The following FAM120A variants were observed in gnomAD, a reference collection of about 807,000 sequenced individuals.
FAM120A encodes the protein family with sequence similarity 120 member A, also known as constitutive coactivator of PPAR-gamma-like protein 1.
Under a neutral mutation model 109.7 loss-of-function variants are expected in FAM120A, and 15 were observed. The observed-to-expected ratio is 0.14, with a 90% CI of 0.09 to 0.21. The LOEUF (loss-of-function observed/expected upper bound fraction) is 0.21. Among genes scored for constraint, FAM120A ranks in the 10% least tolerant of loss-of-function variants. FAM120A has a pLI of 1.00. For missense variants in FAM120A, 899 were observed against 1,439.3 expected (o/e 0.62, Z 6.07); for synonymous variants, 493 against 572.8 (o/e 0.86, Z 1.99).
At chr9:93,530,421 C>G (rs1326086077) in intron 9 of FAM120A, 1 of 152,134 alleles carries the variant, frequency 6.6e-6, no homozygotes, top group Non-Finnish European at 1.5e-5. Flanking sequence ...TCTGTCTATT[C>G]TCTACAACCC....
chr9:93,535,431 A>G (rs1373227646), intron 10 of FAM120A, among the ~76,000 whole-genome samples: 2 of 152,338 alleles, frequency 1.3e-5, no homozygotes, highest in Middle Eastern at 3.4e-3. Context: ...GCAGGTGCAG[A>G]TGACCTTTGC....
At chr9:93,524,321 T>G (rs1405298739) in intron 7 of FAM120A, among the ~76,000 whole-genome samples, 1 of 152,194 alleles carries the variant, frequency 6.6e-6, no homozygotes, top group African/African-American at 2.4e-5. Context: ...GTCAGGAACA[T>G]GAGTGACACG....
At chr9:93,554,140 C>T (rs1862204258) in intron 12 of FAM120A, among the ~76,000 whole-genome samples, 1 of 142,862 alleles carries the variant, frequency 7.0e-6, no homozygotes, top group Non-Finnish European at 1.5e-5. Context: ...CACACACACA[C>T]ACACACACAC....
chr9:93,526,658 C>T (rs147467974), intron 7 of FAM120A, among the ~76,000 whole-genome samples: 38 of 152,338 alleles, frequency 2.5e-4, no homozygotes, highest in African/African-American at 8.9e-4. Context: ...GTTCGAGTCA[C>T]CTCCAGTGTT....
intron 3 of FAM120A, among the ~76,000 whole-genome samples, chr9:93,487,452 G>A (rs902804586): frequency 2.0e-5 from 3 of 152,284 alleles, no homozygotes; most frequent in Non-Finnish European, 2.9e-5. Context: ...ATGAGCCACC[G>A]CACCTGGCCT....
At chr9:93,479,090 ATTTTTT>A (rs11296612) in intron 3 of FAM120A, among the ~76,000 whole-genome samples, 1 of 81,636 alleles carries the variant, frequency 1.2e-5, no homozygotes, top group Non-Finnish European at 2.3e-5. Flanking sequence ...AGGGTATTGC[ATTTTTT>A]TTTTTTTTTT....
At chr9:93,543,166 C>G in intron 10 of FAM120A, 56 bp from the exon 11 acceptor site, 1 of 1,579,840 alleles carries the variant, frequency 6.3e-7, no homozygotes, top group Admixed American at 1.7e-5. Context: ...TTTGTTAAGA[C>G]TGAAAGCAGG....
chr9:93,458,689 G>A (rs1332507294), intron 1 of FAM120A, among the ~76,000 whole-genome samples: 1 of 152,114 alleles, frequency 6.6e-6, no homozygotes, highest in Non-Finnish European at 1.5e-5. Context: ...AGAATGCAAG[G>A]CATATACTAT....
intron 2 of FAM120A, among the ~76,000 whole-genome samples, chr9:93,474,589 CTTTT>C (rs1047449286): frequency 1.3e-5 from 2 of 151,570 alleles, no homozygotes; most frequent in African/African-American, 4.8e-5. Context: ...ACACTTCGTT[CTTTT>C]TTTGTTTGTT....
intron 10 of FAM120A, among the ~76,000 whole-genome samples, chr9:93,538,651 T>C (rs1861600610): frequency 6.6e-6 from 1 of 152,196 alleles, no homozygotes; most frequent in Non-Finnish European, 1.5e-5. Context: ...CATTGCTAAT[T>C]AATGGTCAAG....
At position 93,452,839 on chromosome 9, in the gene FAM120A, G is replaced by T. The variant is rs1185649842; in HGVS notation, c.474+450G>T. The T allele has an allele frequency of 3.9e-6, 6 of 1,524,700 alleles. No individual in the cohort carries two copies. In the East Asian group the frequency reaches 7.0e-5, roughly 18 times the overall value. The allele number at this position is 1,524,700 out of a possible 1,614,324, so 94.4% of individuals were successfully genotyped here. On this transcript the variant is annotated intron_variant, in intron 1 of 17. Transcript: ENST00000277165. This position sits in a 1 kb window ranked among gnomAD's most constrained non-coding sequence, Gnocchi z 7.0. ...GGCAGGATACAGAGTAATAGAGGGG[G>T]TTTCGCCAGAGCCCTTGGGGGCTGC...
chr9:93,512,723 G>T (rs1311557932), intron 5 of FAM120A, among the ~76,000 whole-genome samples: 1 of 152,196 alleles, frequency 6.6e-6, no homozygotes, highest in Non-Finnish European at 1.5e-5. Flanking sequence ...CGATATAGAC[G>T]AAGGCCTGAA....
At chr9:93,482,060 A>G (rs913389458) in intron 3 of FAM120A, among the ~76,000 whole-genome samples, 1 of 152,084 alleles carries the variant, frequency 6.6e-6, no homozygotes, top group Non-Finnish European at 1.5e-5. Context: ...TTGTGTATTT[A>G]TCACCTTACC....
intron 15 of FAM120A, among the ~76,000 whole-genome samples, chr9:93,559,504 T>C (rs1287918113): frequency 6.6e-6 from 1 of 152,244 alleles, no homozygotes; most frequent in Non-Finnish European, 1.5e-5. Flanking sequence ...GCAAGGGAAC[T>C]GTGCGGAAAG....
At chr9:93,481,922 G>A (rs977970690) in intron 3 of FAM120A, among the ~76,000 whole-genome samples, 2 of 152,082 alleles carry the variant, frequency 1.3e-5, no homozygotes, top group Non-Finnish European at 2.9e-5. Flanking sequence ...TTCATGGAAC[G>A]CCATCTTCTC....
rs186920266 is a variant in FAM120A, at chr9:93,477,178, G to A, written c.804+840G>A. ...GGGCTGTAAAATTTTGAATGTTGTC[G>A]TAATTACCCTCCCTCCATAAACAAT... On this transcript the variant is annotated intron_variant, in intron 3 of 17. Transcript: ENST00000277165. Among the ~76,000 whole-genome samples the A allele has an allele frequency of 1.4e-4, 21 of 152,268 alleles. 1 individual carries two copies. In the East Asian group the frequency reaches 3.7e-3, roughly 27 times the overall value.
chr9:93,536,889 G>A (rs940315962), intron 10 of FAM120A, among the ~76,000 whole-genome samples: 1 of 152,204 alleles, frequency 6.6e-6, no homozygotes, highest in African/African-American at 2.4e-5. Flanking sequence ...AAATTCAGAA[G>A]AATATTTGCT....
At chr9:93,510,133 A>G (rs1458242803) in intron 5 of FAM120A, among the ~76,000 whole-genome samples, 2 of 152,206 alleles carry the variant, frequency 1.3e-5, no homozygotes, top group Non-Finnish European at 2.9e-5. Context: ...CTTCTGGTCC[A>G]GAATTCCCAA....
chr9:93,554,653 A>G (rs1862229768), intron 12 of FAM120A, among the ~76,000 whole-genome samples: 2 of 152,166 alleles, frequency 1.3e-5, no homozygotes. Context: ...AGCGTGGATG[A>G]CAGAGCGAGA....
Sources: gnomAD v4.1 joint callset for allele counts (sites outside exome capture counted in the v4.1 genomes callset) on GRCh38, gnomAD v4.1.1 for gene constraint, Gnocchi (gnomAD v3.1) non-coding constraint, MANE v1.5 for transcripts, NCBI Gene and HGNC (gene_info 2026-07-23, HGNC 2026-07-21) for gene names.